NAA60: variants seen among roughly 807,000 people sequenced by gnomAD.
The protein encoded by NAA60 is N-alpha-acetyltransferase 60.
A neutral mutation model predicts 26.1 loss-of-function variants in NAA60; 8 were observed. That is an observed-to-expected ratio of 0.31 (90% CI 0.18 to 0.55). NAA60 has a LOEUF of 0.55. NAA60 is among the 20% of genes least tolerant of loss of function. The pLI is 0.93. For missense variants in NAA60, 290 were observed against 311.3 expected, an observed-to-expected ratio of 0.93 and a Z score of 0.51; for synonymous variants, 131 against 122.5, an observed-to-expected ratio of 1.07 and a Z score of -0.46.
intron 1 of NAA60, among the ~76,000 whole-genome samples, chr16:3,446,439 G>GA (rs2034556835): frequency 6.6e-6 from 1 of 150,800 alleles, no homozygotes; most frequent in South Asian, 2.1e-4. Context: ...GCTGAGGCAG[G>GA]AGAATGGCGT....
At chr16:3,449,314 C>A (rs184967618) in intron 2 of NAA60, among the ~76,000 whole-genome samples, 1 of 152,042 alleles carries the variant, frequency 6.6e-6, no homozygotes, top group Admixed American at 6.5e-5. Context: ...GTCAGGAGAT[C>A]GAGACCATCC....
intron 2 of NAA60, among the ~76,000 whole-genome samples, chr16:3,462,315 G>T (rs1392344238): frequency 6.6e-6 from 1 of 152,066 alleles, no homozygotes; most frequent in Admixed American, 6.5e-5. Flanking sequence ...GTACCAAAAA[G>T]GGCTCTTTTC....
intron 2 of NAA60, among the ~76,000 whole-genome samples, chr16:3,454,533 A>C (rs1485778235): frequency 6.6e-6 from 1 of 152,250 alleles, no homozygotes; most frequent in African/African-American, 2.4e-5. Flanking sequence ...AGCTTAAAAA[A>C]AAATCAGAAG....
intron 3 of NAA60, 104 bp from the exon 4 acceptor site, chr16:3,479,367 C>A: frequency 8.2e-7 from 1 of 1,215,314 alleles, no homozygotes; most frequent in Non-Finnish European, 1.2e-6. Context: ...CTTAGAGCAG[C>A]AGGCAGAAGT....
intron 4 of NAA60, among the ~76,000 whole-genome samples, chr16:3,481,634 C>G (rs903891332): frequency 1.3e-5 from 2 of 152,206 alleles, no homozygotes; most frequent in Non-Finnish European, 2.9e-5. Flanking sequence ...GGCACTCATT[C>G]ATCTGGCCCC....
intron 2 of NAA60, chr16:3,457,064 T>G (rs1436015823): frequency 6.6e-6 from 1 of 152,214 alleles, no homozygotes; most frequent in African/African-American, 2.4e-5. Context: ...AGTGCTAGAA[T>G]TATAGGCGTG....
chr16:3,483,835 C>T (rs185742517), intron 6 of NAA60: 39 of 525,782 alleles, frequency 7.4e-5, no homozygotes, highest in African/African-American at 1.9e-4. Context: ...TCAAATGATC[C>T]GCCTGCCGCA....
chr16:3,468,204 C>G (rs13330583), intron 2 of NAA60: 5 of 152,158 alleles, frequency 3.3e-5, no homozygotes, highest in African/African-American at 9.7e-5. Context: ...AAGACTTGGC[C>G]GGAGACCAGC....
intron 1 of NAA60, among the ~76,000 whole-genome samples, chr16:3,445,998 G>C (rs2034534962): frequency 6.6e-6 from 1 of 152,150 alleles, no homozygotes; most frequent in South Asian, 2.1e-4. Flanking sequence ...ACAAATGCTT[G>C]ACTGTATACC....
intron 2 of NAA60, among the ~76,000 whole-genome samples, chr16:3,463,849 G>C (rs540807097): frequency 6.6e-5 from 10 of 152,128 alleles, no homozygotes; most frequent in Non-Finnish European, 1.3e-4. Context: ...CTTAGAGAAA[G>C]AAATCTATGT....
chr16:3,479,245 G>GA (rs1400305308), intron 3 of NAA60, among the ~76,000 whole-genome samples: 1 of 152,076 alleles, frequency 6.6e-6, no homozygotes, highest in Non-Finnish European at 1.5e-5. Context: ...CGTCTCAAAA[G>GA]AAAAAAATTC....
chr16:3,469,057 G>T (rs895483048), intron 2 of NAA60, among the ~76,000 whole-genome samples: 1 of 149,160 alleles, frequency 6.7e-6, no homozygotes, highest in Non-Finnish European at 1.5e-5. Context: ...CTGCACTCCA[G>T]CCTGGGCAAC....
intron 2 of NAA60, among the ~76,000 whole-genome samples, chr16:3,461,773 G>C (rs2035410789): frequency 6.6e-6 from 1 of 152,112 alleles, no homozygotes; most frequent in Non-Finnish European, 1.5e-5. Context: ...AAAAACAAAA[G>C]AAAGGCATTT....
chr16:3,465,832 C>A (rs1032229686), intron 2 of NAA60, among the ~76,000 whole-genome samples: 2 of 152,198 alleles, frequency 1.3e-5, no homozygotes, highest in Non-Finnish European at 2.9e-5. Context: ...ATCAGAGAAT[C>A]TGACTCTGCT....
intron 2 of NAA60, among the ~76,000 whole-genome samples, chr16:3,463,130 C>T (rs1285011019): frequency 6.6e-6 from 1 of 152,132 alleles, no homozygotes; most frequent in Non-Finnish European, 1.5e-5. Context: ...CACAGAGTTT[C>T]AGAGTCAGCG....
rs2037155028 is a variant in NAA60 at position 3,486,646 on chromosome 16, G to C, written c.*1386G>C. On this transcript the variant is annotated 3_prime_UTR_variant, in exon 8 of 8. Transcript: ENST00000407558. ...CATGCTGACTGCTTGAACCTCTGCTGACCTGACAGTGCTGGCGGGAGGGCC... is the reference window on the plus strand; with the variant it reads ...CATGCTGACTGCTTGAACCTCTGCTCACCTGACAGTGCTGGCGGGAGGGCC... 6.6e-6 allele frequency: 1 copy of C among 152,276 alleles called. No homozygotes were observed. The highest frequency in any genetic ancestry group is 1.5e-5 in the Non-Finnish European group (1 of 68,162). The allele number at this position is 152,276 out of a possible 1,614,324, so 9.4% of individuals were successfully genotyped here. A position where few individuals can be genotyped will look rare whatever the true frequency, so the allele number is the denominator to read the frequency against.
chr16:3,462,142 A>G (rs901975721), intron 2 of NAA60, among the ~76,000 whole-genome samples: 6 of 147,610 alleles, frequency 4.1e-5, no homozygotes, highest in African/African-American at 1.2e-4. Context: ...AGTTACTGTT[A>G]TTAAAAAGCA....
chr16:3,483,493 G>A lies in NAA60; in HGVS notation c.468G>A (p.Lys156=). ...AINFYENRDF[K]QHHYLPYYYS... ...ACTTCTATGAAAACAGAGACTTCAA[G>A]CAGCACCACTATCTCCCCTATTACT... Residue 156 remains lysine (K), a synonymous_variant, in exon 6 of 8, where the codon AAG becomes AAA. Coordinates refer to ENST00000407558, the MANE Select transcript of NAA60 (RefSeq NM_001083601.3). 3 of 1,613,968 alleles carry A rather than the reference G, an allele frequency of 1.9e-6. No homozygotes were observed. Among genetic ancestry groups the A allele is most frequent in the Non-Finnish European group, 2.5e-6 (3 of 1,179,868 alleles).
At chr16:3,451,265 A>G (rs111828158) in intron 2 of NAA60, among the ~76,000 whole-genome samples, 3 of 152,210 alleles carry the variant, frequency 2.0e-5, no homozygotes, top group African/African-American at 7.2e-5. Context: ...TTATGAAAAT[A>G]TAGTACTTGT....
Sources: allele counts gnomAD v4.1 joint callset (sites outside exome capture counted in the v4.1 genomes callset), GRCh38; gene constraint gnomAD v4.1.1; transcripts MANE v1.5; gene names NCBI Gene and HGNC (gene_info 2026-07-23, HGNC 2026-07-21).